The following SYCP2 variants were observed in gnomAD, a reference collection of about 807,000 sequenced individuals.
SYCP2 encodes synaptonemal complex protein 2.
In SYCP2, 55 loss-of-function variants were observed where a neutral mutation model predicts 211.3. The ratio of observed to expected loss-of-function variants is 0.26; its 90% CI spans 0.21 to 0.33. The LOEUF (loss-of-function observed/expected upper bound fraction) is 0.33. Ranked by LOEUF, SYCP2 falls within the 10% of genes least tolerant of loss-of-function variation. The pLI, the probability that SYCP2 is intolerant of heterozygous loss-of-function variation, is 1.00. For synonymous variants in SYCP2, 570 were observed against 555.2 expected (o/e 1.03, Z -0.37); for missense variants, 1,731 against 1,752.0 (o/e 0.99, Z 0.21).
intron 7 of SYCP2, among the ~76,000 whole-genome samples, chr20:59,917,708 G>A (rs1298878355): frequency 6.6e-6 from 1 of 152,114 alleles, no homozygotes; most frequent in Non-Finnish European, 1.5e-5. Context: ...CAGCCTCATT[G>A]ACCAATCCTA....
At chr20:59,910,556 T>G (rs2060301185) in intron 14 of SYCP2, among the ~76,000 whole-genome samples, 1 of 151,716 alleles carries the variant, frequency 6.6e-6, no homozygotes, top group Non-Finnish European at 1.5e-5. Context: ...TATTTTTGTA[T>G]TTTTAGTAGA....
intron 7 of SYCP2, 47 bp downstream of exon 7, chr20:59,919,111 T>TAA (rs751759389): frequency 6.6e-5 from 66 of 1,005,354 alleles, no homozygotes; most frequent in Admixed American, 1.3e-4. Context: ...ACTAAAACTC[T>TAA]AACAGTAAAA....
intron 35 of SYCP2, 115 bp downstream of exon 35, chr20:59,873,741 C>T: frequency 1.1e-6 from 1 of 912,440 alleles, no homozygotes; most frequent in Non-Finnish European, 1.6e-6. Flanking sequence ...AGACCCTAGA[C>T]CAAACCCAAA....
intron 14 of SYCP2, among the ~76,000 whole-genome samples, chr20:59,908,437 CTCAGGA>C (rs1338155584): frequency 2.0e-5 from 3 of 152,076 alleles, no homozygotes; most frequent in Non-Finnish European, 4.4e-5. Context: ...ACCTCAAAAC[CTCAGGA>C]TCAGGAGGAA....
At chr20:59,867,952 G>T in intron 38 of SYCP2, 105 bp from the exon 39 acceptor site, 2 of 748,856 alleles carry the variant, frequency 2.7e-6, no homozygotes, top group Non-Finnish European at 4.2e-6. Flanking sequence ...GAATCTATGT[G>T]TAACCTAAGG....
rs756362687 is a variant in SYCP2, at chr20:59,868,421, A to C, written c.3980T>G (p.Ile1327Ser). ...GCTACTGATCTACCTACTTTTGTGGATATGATGATCTGCATCTTCAATTTT... is the reference window on the plus strand; with the variant it reads ...GCTACTGATCTACCTACTTTTGTGGCTATGATGATCTGCATCTTCAATTTT... ...LCKIEDADHH[I>S]HKMSESVSSL... The change falls in exon 38 of 45, where the codon ATC becomes AGC. Residue 1327 changes from isoleucine (I) to serine (S), a missense_variant. This residue lies in a region of SYCP2 where 1,387 missense variants were observed against 1,351.3 expected (regional missense o/e 1.03). Coordinates refer to ENST00000357552, the MANE Select transcript of SYCP2 (RefSeq NM_014258.4). 12 of 1,609,780 alleles carry C rather than the reference A, an allele frequency of 7.5e-6. No homozygotes were observed. In the East Asian group the frequency reaches 2.0e-4, roughly 27 times the overall value.
intron 10 of SYCP2, among the ~76,000 whole-genome samples, chr20:59,914,762 C>A (rs905464612): frequency 7.2e-5 from 11 of 151,820 alleles, no homozygotes; most frequent in Non-Finnish European, 1.5e-5. Context: ...ATATTAGACA[C>A]CCTAATTTCA....
At position 59,886,758 on chromosome 20, in the gene SYCP2, G is replaced by T; in HGVS notation, c.2441C>A (p.Thr814Lys). Residue 814 changes from threonine (T) to lysine (K), a missense_variant, in exon 25 of 45, where the codon ACA becomes AAA. Physicochemically the swap from Thr to Lys is moderately conservative, Grantham distance 78. This residue lies in a region of SYCP2 where 1,387 missense variants were observed against 1,351.3 expected (regional missense o/e 1.03). Coordinates refer to ENST00000357552, the MANE Select transcript of SYCP2 (RefSeq NM_014258.4). ...LISQINKRYKTKDDIKSTRKL... is the reference protein window; with the variant it reads ...LISQINKRYKKKDDIKSTRKL... ...TCTTGTAGACTTGATGTCATCTTTT[G>T]TTTTGTATCTTTTATTGATTTGGCT... is the stretch of plus-strand genomic sequence containing the variant. The T allele has an allele frequency of 6.3e-7, 1 of 1,589,930 alleles. No homozygotes were observed.
At chr20:59,896,622 G>A in intron 18 of SYCP2, 94 bp from the exon 19 acceptor site, 3 of 629,294 alleles carry the variant, frequency 4.8e-6, no homozygotes, top group Non-Finnish European at 8.5e-6. Flanking sequence ...CTTGATACAT[G>A]CCAAAGATAT....
intron 1 of SYCP2, among the ~76,000 whole-genome samples, chr20:59,932,576 A>C (rs1310991844): frequency 6.6e-6 from 1 of 152,224 alleles, no homozygotes; most frequent in East Asian, 1.9e-4. Context: ...CCGGAGGCTG[A>C]AGCAGGAGAA....
At chr20:59,881,784 C>T (rs1410903940) in intron 28 of SYCP2, among the ~76,000 whole-genome samples, 161 bp downstream of exon 28, 1 of 147,354 alleles carries the variant, frequency 6.8e-6, no homozygotes, top group Non-Finnish European at 1.5e-5. Flanking sequence ...AAAAAAGCCA[C>T]CTAAATATAC....
intron 2 of SYCP2, among the ~76,000 whole-genome samples, chr20:59,927,148 G>A (rs1438459292): frequency 6.6e-6 from 1 of 152,124 alleles, no homozygotes; most frequent in African/African-American, 2.4e-5. Flanking sequence ...TTGAGAATGT[G>A]TCTTTGGGAC....
rs775048083 is a variant in SYCP2 at position 59,881,008 on chromosome 20, A to T, written c.2730T>A (p.Asn910Lys). 1 of 1,503,936 alleles carries T rather than the reference A, an allele frequency of 6.6e-7. No individual in the cohort carries two copies. Among genetic ancestry groups the T allele is most frequent in the South Asian group, 1.2e-5 (1 of 82,118 alleles). 93.2% of individuals were successfully genotyped at this position (1,503,936 alleles called of 1,614,324 possible). Residue 910 changes from asparagine (N) to lysine (K), a missense_variant, in exon 30 of 45, where the codon AAT (asparagine) becomes AAA (lysine). Around this residue, in one of 3 missense-constraint regions of SYCP2, gnomAD observed 1,387 missense variants for 1,351.3 expected, o/e 1.03. Transcript: ENST00000357552. Reference sequence around the variant, plus strand: ...TGACAGAAGATTTAAGTTCATCATGATTCCTTGGACCTACCCTTAAACAAA... The same window carrying T: ...TGACAGAAGATTTAAGTTCATCATGTTTCCTTGGACCTACCCTTAAACAAA... Reference protein sequence around the residue: ...DRSIRLVGPRNHDELKSSVKT... With the variant: ...DRSIRLVGPRKHDELKSSVKT...
rs891613897 is a variant in SYCP2, at chr20:59,881,510, A to C, written c.2659-18T>G. 7.1e-6 allele frequency: 9 copies of C among 1,260,720 alleles called. No individual in the cohort carries two copies. Among genetic ancestry groups the C allele is most frequent in the Admixed American group, 5.6e-5 (2 of 35,664 alleles). 78.1% of individuals were successfully genotyped at this position (1,260,720 alleles called of 1,614,324 possible). A position where few individuals can be genotyped will look rare whatever the true frequency, so the allele number is the denominator to read the frequency against. On this transcript the variant is annotated intron_variant, in intron 28 of 44. Coordinates refer to ENST00000357552, the MANE Select transcript of SYCP2 (RefSeq NM_014258.4). The stretch of plus-strand genomic sequence containing the variant: ...TCTTGGATCTATATTGTAAATAAAC[A>C]AAAAAAAAGAGGTGTCAGTGTCAAA...
chr20:59,890,112 C>T lies in SYCP2; in HGVS notation c.2364+1878G>A, dbSNP rs567969763. 3.0e-3 allele frequency among the ~76,000 whole-genome samples: 463 copies of T among 152,150 alleles called. 1 individual carries two copies. The highest frequency in any genetic ancestry group is 6.7e-3 in the Admixed American group (103 of 15,274). On this transcript the variant is annotated intron_variant, in intron 24 of 44. Coordinates refer to ENST00000357552, the MANE Select transcript of SYCP2 (RefSeq NM_014258.4). ...GACACATGCACATGTATGTTTACTGCGGCACTATTCACAATAGCAAAGACT... is the reference window on the plus strand; with the variant it reads ...GACACATGCACATGTATGTTTACTGTGGCACTATTCACAATAGCAAAGACT...
chr20:59,912,303 T>C, intron 13 of SYCP2, 70 bp downstream of exon 13: 1 of 646,810 alleles, frequency 1.5e-6, no homozygotes, highest in Non-Finnish European at 2.6e-6. Flanking sequence ...TATTCATTTT[T>C]AACTCATAAT....
At chr20:59,881,831 T>TA in intron 28 of SYCP2, 114 bp downstream of exon 28, 1 of 702,284 alleles carries the variant, frequency 1.4e-6, no homozygotes, top group Non-Finnish European at 2.2e-6. Context: ...ATATATTTCT[T>TA]AAAAATTTTA....
At position 59,880,358 on chromosome 20, in the gene SYCP2, C is replaced by T. The variant is rs1190535339; in HGVS notation, c.2886G>A (p.Gln962=). The change falls in exon 31 of 45, where the codon CAG becomes CAA. Residue 962 remains glutamine, a synonymous_variant. Coordinates refer to ENST00000357552, the MANE Select transcript of SYCP2 (RefSeq NM_014258.4). ...SWLREPKSKP[Q]LIDYSRNKNV... is the part of the protein sequence containing the mutation. The stretch of plus-strand genomic sequence containing the variant: ...TTTTATTTCTGCTATAGTCTATTAG[C>T]TGTGGTTTTGATTTCGGTTCTCTTA... 2 of 1,599,568 alleles carry T rather than the reference C, an allele frequency of 1.3e-6. No homozygotes were observed. The highest frequency in any genetic ancestry group is 1.7e-6 in the Non-Finnish European group (2 of 1,170,638).
At chr20:59,920,168 G>A (rs913658987) in intron 5 of SYCP2, among the ~76,000 whole-genome samples, 191 bp downstream of exon 5, 1 of 151,618 alleles carries the variant, frequency 6.6e-6, no homozygotes, top group Non-Finnish European at 1.5e-5. Context: ...TGATTACCAA[G>A]GAGTCTGTCT....
Sources: allele counts gnomAD v4.1 joint callset (sites outside exome capture counted in the v4.1 genomes callset), GRCh38; gene constraint gnomAD v4.1.1; regional missense constraint gnomAD v4.1.1; transcripts MANE v1.5; gene names NCBI Gene and HGNC (gene_info 2026-07-23, HGNC 2026-07-21).